TVP23A: variants seen among roughly 807,000 people sequenced by gnomAD.
TVP23A encodes trans-golgi network vesicle protein 23 homolog A, also known as Golgi apparatus membrane protein TVP23 homolog A.
In TVP23A, 21 loss-of-function variants were observed where a neutral mutation model predicts 31.7. The ratio of observed to expected loss-of-function variants is 0.66; its 90% confidence interval spans 0.47 to 0.95. The LOEUF (loss-of-function observed/expected upper bound fraction) is 0.95, where lower values mean the gene tolerates loss of function less well. TVP23A is among the 40% of genes least tolerant of loss of function. The pLI, the probability that TVP23A is intolerant of heterozygous loss-of-function variation, is 0.00. For missense variants in TVP23A, 279 were observed against 255.6 expected (o/e 1.09, Z -0.62); for synonymous variants, 104 against 96.0 (o/e 1.08, Z -0.49).
In TVP23A at chr16:10,774,117, T is replaced by C. The variant is rs767371865; in HGVS notation, c.246A>G (p.Gly82=). ...ACCATCGAAGGCCCACCAGGAGTCT[T>C]CCGGTTACATTCTGAGAACAATAGA... ...LDFWSVKNVT[G]RLLVGLRWWN... The change falls in exon 4 of 8, where the codon GGA becomes GGG. Residue 82 remains glycine (G), a synonymous_variant. Coordinates refer to ENST00000299866, the MANE Select transcript of TVP23A (RefSeq NM_001079512.4). 9 of 1,609,070 alleles carry C rather than the reference T, an allele frequency of 5.6e-6. 1 individual carries two copies. The South Asian group carries it at 1.0e-4, about 18-fold the overall frequency.
At position 10,777,840 on chromosome 16, in the gene TVP23A, G is replaced by A. The variant is rs750424454; in HGVS notation, c.90-2744C>T. Among the ~76,000 whole-genome samples the A allele has an allele frequency of 2.1e-4, 32 of 152,096 alleles. No individual in the cohort carries two copies. The highest frequency in any genetic ancestry group is 2.2e-4 in the Non-Finnish European group (15 of 68,020). The stretch of plus-strand genomic sequence containing the variant: ...TCCCTGGCCAACATGGTGAAACCCC[G>A]TCTCTACTAAAAATACAAAAATTAG... On this transcript the variant is annotated intron_variant, in intron 2 of 7. Transcript: ENST00000299866. This position sits in a 1 kb window ranked among gnomAD's most constrained non-coding sequence, Gnocchi z 4.5.
At chr16:10,803,245 C>CTGTGTGTGTGTGTGTG (rs3040297) in intron 2 of TVP23A, among the ~76,000 whole-genome samples, 2,014 of 135,402 alleles carry the variant, frequency 0.015, 34 homozygotes, top group African/African-American at 0.031. Flanking sequence ...GATCGCGCCA[C>CTGTGTGTGTGTGTGTG]TGTGTGTGTG....
Position 10,767,460 on chromosome 16 carries a change from A to C in TVP23A, c.*1642T>G, listed in dbSNP as rs1596481660. ...ATGTGCTCCCATTCGTATTTTAGGT[A>C]TATGAGAGTGTGTGTATGTGTGTGC... On this transcript the variant is annotated 3_prime_UTR_variant, in exon 8 of 8. Transcript: ENST00000299866. The surrounding 1 kb of genome is among the most constrained non-coding windows in gnomAD (Gnocchi z 4.6). The C allele has an allele frequency of 7.6e-6, 3 of 396,274 alleles. No homozygotes were observed. In the East Asian group the frequency reaches 1.1e-4, roughly 14 times the overall value. 24.5% of individuals were successfully genotyped at this position (396,274 alleles called of 1,614,324 possible). A position where few individuals can be genotyped will look rare whatever the true frequency, so the allele number is the denominator to read the frequency against.
intron 2 of TVP23A, among the ~76,000 whole-genome samples, chr16:10,797,384 T>TA (rs922794703): frequency 8.0e-4 from 114 of 141,704 alleles, no homozygotes; most frequent in African/African-American, 2.0e-3. Context: ...AATGAAAACA[T>TA]AAAAAAAAAA....
chr16:10,761,615 AC>A, intron 8 of TVP23A: 3 of 971,514 alleles, frequency 3.1e-6, no homozygotes, highest in Admixed American at 2.6e-5. Context: ...CTTTCTGCTG[AC>A]TAAAGGAAAG....
downstream of TVP23A, among the ~76,000 whole-genome samples, chr16:10,758,325 T>A (rs940338272): frequency 2.0e-5 from 3 of 151,920 alleles, no homozygotes; most frequent in African/African-American, 7.3e-5. Flanking sequence ...ATTTTAAAAT[T>A]AGCCAGGCAT....
At chr16:10,761,801 C>G, downstream of TVP23A, 1 of 1,614,092 alleles carries the variant, frequency 6.2e-7, no homozygotes, top group African/African-American at 1.3e-5. Context: ...GCGCGGAGCT[C>G]ATGTGCCAGG....
In TVP23A at chr16:10,767,737, T is replaced by G; in HGVS notation, c.*1365A>C. The G allele has an allele frequency of 1.7e-6, 1 of 580,570 alleles. No homozygotes were observed. Among genetic ancestry groups the G allele is most frequent in the Admixed American group, 3.0e-5 (1 of 33,210 alleles). The allele number at this position is 580,570 out of a possible 1,614,324, so 36.0% of individuals were successfully genotyped here. Reference sequence around the variant, plus strand: ...GAACCTGCATTTTCTGTACACCACCTGATTATTTAGCCACGCTGAAATGCT... The same window carrying G: ...GAACCTGCATTTTCTGTACACCACCGGATTATTTAGCCACGCTGAAATGCT... On this transcript the variant is annotated 3_prime_UTR_variant, in exon 8 of 8. Transcript: ENST00000299866. The surrounding 1 kb of genome is among the most constrained non-coding windows in gnomAD (Gnocchi z 4.6).
Position 10,818,620 on chromosome 16 carries a change from G to A in TVP23A, c.-127C>T. 1 of 1,221,732 alleles carries A rather than the reference G, an allele frequency of 8.2e-7. No individual in the cohort carries two copies. Among genetic ancestry groups the A allele is most frequent in the Non-Finnish European group, 1.1e-6 (1 of 911,478 alleles). 75.7% of individuals were successfully genotyped at this position (1,221,732 alleles called of 1,614,324 possible). A position where few individuals can be genotyped will look rare whatever the true frequency, so the allele number is the denominator to read the frequency against. ...CGGTGGACGCTGAGGGTCGGGGCCT[G>A]CGCCCTGTGGGGCAGCCTCAGCGCA... On this transcript the variant is annotated 5_prime_UTR_variant, in exon 1 of 8. Transcript: ENST00000299866. The surrounding 1 kb of genome is among the most constrained non-coding windows in gnomAD (Gnocchi z 4.7).
At chr16:10,803,909 C>T (rs2033825862) in intron 2 of TVP23A, among the ~76,000 whole-genome samples, 1 of 152,040 alleles carries the variant, frequency 6.6e-6, no homozygotes, top group Non-Finnish European at 1.5e-5. Context: ...GGGTGCACAA[C>T]CTTGTAAATA....
At chr16:10,761,847 G>C (rs2029953696), downstream of TVP23A, 1 of 1,613,824 alleles carries the variant, frequency 6.2e-7, no homozygotes, top group East Asian at 2.2e-5. Flanking sequence ...AGTGCCCCTG[G>C]ATCCGCTCAT....
At chr16:10,775,323 A>C in intron 2 of TVP23A, 3 of 1,361,582 alleles carry the variant, frequency 2.2e-6, no homozygotes, top group Non-Finnish European at 2.8e-6. Context: ...CCTTCGAAGA[A>C]TCCAGTACTT....
intron 2 of TVP23A, among the ~76,000 whole-genome samples, chr16:10,791,248 G>T (rs1464399395): frequency 6.6e-6 from 1 of 152,104 alleles, no homozygotes; most frequent in African/African-American, 2.4e-5. Flanking sequence ...TTTGTCAGAC[G>T]AATGTTTTTC....
In TVP23A at chr16:10,770,348, C is replaced by T. The variant is rs1478809668; in HGVS notation, c.583-17G>A. 4 of 1,550,606 alleles carry T rather than the reference C, an allele frequency of 2.6e-6. No individual in the cohort carries two copies. The highest frequency in any genetic ancestry group is 3.5e-6 in the Non-Finnish European group (4 of 1,146,796). Reference sequence around the variant, plus strand: ...TGGGCAGGCCTGCAAGGGGAAAAGTCAACCATGGTTTTCTGTCCTTACACG... The same window carrying T: ...TGGGCAGGCCTGCAAGGGGAAAAGTTAACCATGGTTTTCTGTCCTTACACG... On this transcript the variant is annotated splice_polypyrimidine_tract_variant and intron_variant, in intron 6 of 7. Coordinates refer to ENST00000299866, the MANE Select transcript of TVP23A (RefSeq NM_001079512.4).
chr16:10,770,611 G>A (rs1164766560), intron 6 of TVP23A, among the ~76,000 whole-genome samples: 7 of 150,738 alleles, frequency 4.6e-5, no homozygotes, highest in South Asian at 2.1e-4. Context: ...GGTAGCTCCC[G>A]CCTGTAATCC....
downstream of TVP23A, among the ~76,000 whole-genome samples, chr16:10,762,266 C>T (rs528357761): frequency 3.9e-5 from 6 of 152,186 alleles, no homozygotes; most frequent in South Asian, 4.2e-4. Context: ...GAAGCCAGCA[C>T]GGCACAGATG....
At position 10,768,730 on chromosome 16, in the gene TVP23A, A is replaced by T; in HGVS notation, c.*372T>A. 3.4e-6 allele frequency: 1 copy of T among 290,098 alleles called. No homozygotes were observed. Among genetic ancestry groups the T allele is most frequent in the Admixed American group, 5.0e-5 (1 of 20,030 alleles). 18.0% of individuals were successfully genotyped at this position (290,098 alleles called of 1,614,324 possible). A position where few individuals can be genotyped will look rare whatever the true frequency, so the allele number is the denominator to read the frequency against. On this transcript the variant is annotated 3_prime_UTR_variant, in exon 8 of 8. Transcript: ENST00000299866. The surrounding 1 kb of genome is among the most constrained non-coding windows in gnomAD (Gnocchi z 4.3). Reference sequence around the variant, plus strand: ...AGGGCAGAGGTGTCAGTGTTTGTTAAAGCTGTGGTCTCTGAGTTTGTGGCT... The same window carrying T: ...AGGGCAGAGGTGTCAGTGTTTGTTATAGCTGTGGTCTCTGAGTTTGTGGCT...
intron 2 of TVP23A, among the ~76,000 whole-genome samples, chr16:10,799,565 C>T (rs570103988): frequency 6.6e-6 from 1 of 152,338 alleles, no homozygotes; most frequent in Admixed American, 6.5e-5. Context: ...GACTCCTGAC[C>T]TCAGGTGATC....
intron 2 of TVP23A, among the ~76,000 whole-genome samples, chr16:10,795,831 G>C (rs145263411): frequency 6.6e-5 from 10 of 152,234 alleles, no homozygotes; most frequent in African/African-American, 1.9e-4. Context: ...CGGTTCCTGA[G>C]AGACCGCCAG....
Sources: allele counts gnomAD v4.1 joint callset (sites outside exome capture counted in the v4.1 genomes callset), GRCh38; gene constraint gnomAD v4.1.1; non-coding constraint Gnocchi (gnomAD v3.1); transcripts MANE v1.5; gene names NCBI Gene and HGNC (gene_info 2026-07-23, HGNC 2026-07-21).